Variants in PPM1H observed in about 807,000 individuals in gnomAD.
PPM1H encodes protein phosphatase, Mg2+/Mn2+ dependent 1H, also known as protein phosphatase 1H.
Under a neutral mutation model 54.9 loss-of-function variants are expected in PPM1H, and 27 were observed. That is an observed-to-expected ratio of 0.49 (90% CI 0.36 to 0.68). PPM1H has a LOEUF of 0.68. Among genes scored for constraint, PPM1H ranks in the 30% least tolerant of loss-of-function variants. The probability of loss-of-function intolerance (pLI) is 0.00; values close to 1 mark genes in which losing one functional copy is unlikely to be tolerated. For synonymous variants in PPM1H, 305 were observed against 270.8 expected (o/e 1.13, Z -1.24); for missense variants, 596 against 667.8 (o/e 0.89, Z 1.19).
intron 4 of PPM1H, among the ~76,000 whole-genome samples, chr12:62,748,229 C>T (rs919769107): frequency 2.0e-5 from 3 of 149,752 alleles, no homozygotes; most frequent in Non-Finnish European, 4.4e-5. Context: ...GGCGACAGAG[C>T]GAGACTCCGT....
rs545220617 is a variant in PPM1H at position 62,843,739 on chromosome 12, A to T, written c.246-11460T>A. Among the ~76,000 whole-genome samples, 415 of 152,254 alleles carry T rather than the reference A, an allele frequency of 2.7e-3. 2 individuals carry two copies. The highest frequency in any genetic ancestry group is 0.01 in the Middle Eastern group (3 of 294). On this transcript the variant is annotated intron_variant, in intron 1 of 9. Transcript: ENST00000228705. ...CAGTCTTTTTTAAAAAGTACTTTTT[A>T]AAAAAAGTACTTTATTTTAACTGAA...
At position 62,794,903 on chromosome 12, in the gene PPM1H, C is replaced by T. The variant is rs568299819; in HGVS notation, c.757-6565G>A. 3.9e-5 allele frequency among the ~76,000 whole-genome samples: 6 copies of T among 152,264 alleles called. No individual in the cohort carries two copies. The South Asian group carries it at 8.3e-4, about 21-fold the overall frequency. On this transcript the variant is annotated intron_variant, in intron 3 of 9. Coordinates refer to ENST00000228705, the MANE Select transcript of PPM1H (RefSeq NM_020700.2). ...GCTGGGAAGCAGAATTGAAGTCAGT[C>T]GGAAAATTCCTGAGATTTTGGTCCT...
intron 1 of PPM1H, among the ~76,000 whole-genome samples, chr12:62,933,601 G>T (rs1264436286): frequency 6.6e-6 from 1 of 152,124 alleles, no homozygotes; most frequent in African/African-American, 2.4e-5. Flanking sequence ...TAGTTTTCCC[G>T]TTTCGTACAG....
intron 1 of PPM1H, among the ~76,000 whole-genome samples, chr12:62,876,177 T>A (rs1035942487): frequency 1.3e-5 from 2 of 152,128 alleles, no homozygotes; most frequent in East Asian, 3.8e-4. Flanking sequence ...TAAGGATCAA[T>A]AAAAGGCATG....
Position 62,707,259 on chromosome 12 carries a change from T to C in PPM1H, c.1073+12912A>G, listed in dbSNP as rs541078833. Among the ~76,000 whole-genome samples, 6 of 152,328 alleles carry C rather than the reference T, an allele frequency of 3.9e-5. No individual in the cohort carries two copies. The East Asian group carries it at 1.2e-3, about 29-fold the overall frequency. Reference sequence around the variant, plus strand: ...GCACAAAAAGGAAAAAGAGGAGGCCTAATTTGACCCTGACCCACCGTTGCA... The same window carrying C: ...GCACAAAAAGGAAAAAGAGGAGGCCCAATTTGACCCTGACCCACCGTTGCA... On this transcript the variant is annotated intron_variant, in intron 6 of 9. Coordinates refer to ENST00000228705, the MANE Select transcript of PPM1H (RefSeq NM_020700.2).
intron 1 of PPM1H, among the ~76,000 whole-genome samples, chr12:62,880,805 C>G (rs1294351403): frequency 1.3e-5 from 2 of 152,200 alleles, no homozygotes; most frequent in Non-Finnish European, 2.9e-5. Context: ...ACATTCCCTT[C>G]TCCAGGTGCT....
At chr12:62,828,275 G>A (rs1392954132) in intron 2 of PPM1H, among the ~76,000 whole-genome samples, 1 of 152,120 alleles carries the variant, frequency 6.6e-6, no homozygotes, top group Non-Finnish European at 1.5e-5. Context: ...TTCCCGACTG[G>A]CTCACTCCAC....
chr12:62,788,149 C>A (rs939881675), intron 4 of PPM1H, 77 bp downstream of exon 4: 1 of 985,542 alleles, frequency 1.0e-6, no homozygotes, highest in African/African-American at 1.6e-5. Flanking sequence ...TATTTCTAAT[C>A]ATTTAATTTT....
chr12:62,751,666 G>A (rs765498627), intron 4 of PPM1H, among the ~76,000 whole-genome samples: 21 of 152,172 alleles, frequency 1.4e-4, no homozygotes, highest in Non-Finnish European at 8.8e-5. Context: ...ATCTTGAGGC[G>A]TCCTTCACTG....
chr12:62,746,809 G>C (rs184108182), intron 4 of PPM1H, among the ~76,000 whole-genome samples: 188 of 152,294 alleles, frequency 1.2e-3, no homozygotes, highest in Non-Finnish European at 2.1e-3. Context: ...GGTTTGAACA[G>C]TAGAAGCTCA....
At chr12:62,665,177 A>G (rs173192) in intron 9 of PPM1H, among the ~76,000 whole-genome samples, 40,910 of 151,912 alleles carry the variant, frequency 0.27, 6,798 homozygotes, top group Middle Eastern at 0.42. Flanking sequence ...CCTCTTGAGT[A>G]GCTGGAATTA....
intron 8 of PPM1H, among the ~76,000 whole-genome samples, chr12:62,685,953 T>A (rs559373550): frequency 3.9e-5 from 6 of 152,356 alleles, no homozygotes; most frequent in Admixed American, 3.9e-4. Context: ...TTAATAACAA[T>A]TAGTTTTATT....
intron 6 of PPM1H, among the ~76,000 whole-genome samples, chr12:62,713,907 G>T (rs919849562): frequency 6.6e-6 from 1 of 152,074 alleles, no homozygotes; most frequent in Non-Finnish European, 1.5e-5. Context: ...GGTTGAGGCT[G>T]CAGTGAGCCA....
At chr12:62,743,493 G>A (rs2076393892) in intron 4 of PPM1H, among the ~76,000 whole-genome samples, 1 of 152,056 alleles carries the variant, frequency 6.6e-6, no homozygotes, top group East Asian at 1.9e-4. Context: ...CTCCTCTAAT[G>A]TTATATTTTG....
chr12:62,789,335 T>C (rs1050871434), intron 3 of PPM1H, among the ~76,000 whole-genome samples: 1 of 152,220 alleles, frequency 6.6e-6, no homozygotes, highest in African/African-American at 2.4e-5. Flanking sequence ...AAGTCTTGGA[T>C]AAATAGTCTC....
intron 4 of PPM1H, among the ~76,000 whole-genome samples, chr12:62,778,705 CT>C (rs1445126045): frequency 6.6e-6 from 1 of 152,174 alleles, no homozygotes; most frequent in Non-Finnish European, 1.5e-5. Context: ...AATCCTAACA[CT>C]TTGGGAGGCG....
intron 4 of PPM1H, among the ~76,000 whole-genome samples, chr12:62,746,199 A>C (rs10877912): frequency 0.41 from 61,734 of 151,958 alleles, 12,658 homozygotes; most frequent in Non-Finnish European, 0.42. Flanking sequence ...TGTCTCAAAA[A>C]AAAAACAAAA....
intron 5 of PPM1H, among the ~76,000 whole-genome samples, chr12:62,733,635 T>C (rs1370081376): frequency 6.6e-6 from 1 of 152,208 alleles, no homozygotes; most frequent in Non-Finnish European, 1.5e-5. Flanking sequence ...CATAAGATTA[T>C]TTTATGCTAT....
intron 1 of PPM1H, among the ~76,000 whole-genome samples, chr12:62,909,767 C>T (rs2449865): frequency 0.33 from 50,225 of 152,120 alleles, 9,898 homozygotes; most frequent in Non-Finnish European, 0.45. Flanking sequence ...AGAATAGAGG[C>T]TGTCTGTGGG....
Sources: gnomAD v4.1 joint callset for allele counts (sites outside exome capture counted in the v4.1 genomes callset) on GRCh38, gnomAD v4.1.1 for gene constraint, MANE v1.5 for transcripts, NCBI Gene and HGNC (gene_info 2026-07-23, HGNC 2026-07-21) for gene names.